The following ZFYVE26 variants were observed in gnomAD, a reference collection of about 807,000 sequenced individuals.
ZFYVE26 encodes the protein zinc finger FYVE-type containing 26, also known as zinc finger FYVE domain-containing protein 26.
Under a neutral mutation model 276.5 loss-of-function variants are expected in ZFYVE26, and 181 were observed. That is an observed-to-expected ratio of 0.65 (90% CI 0.58 to 0.74). ZFYVE26 has a LOEUF of 0.74. ZFYVE26 is among the 30% of genes least tolerant of loss of function. The pLI is 0.00. For synonymous variants in ZFYVE26, 1,129 were observed against 1,203.1 expected (o/e 0.94, Z 1.27); for missense variants, 2,821 against 3,097.9 (o/e 0.91, Z 2.12).
chr14:67,799,865 C>T (rs1179039767), intron 10 of ZFYVE26, among the ~76,000 whole-genome samples: 1 of 151,960 alleles, frequency 6.6e-6, no homozygotes, highest in Non-Finnish European at 1.5e-5. Context: ...GAGGCAGTGT[C>T]CTTCCTGACA....
rs188446238 is a variant in ZFYVE26, at chr14:67,802,485, C to T, written c.1436-203G>A. The stretch of plus-strand genomic sequence containing the variant: ...ACTTTCAGTTCCCTGCACTTCCTTT[C>T]CCCCACTCACCTCCCTTCTACATAT... On this transcript the variant is annotated intron_variant, in intron 9 of 41. Transcript: ENST00000347230. Among the ~76,000 whole-genome samples the T allele has an allele frequency of 1.2e-3, 176 of 152,268 alleles. 2 individuals carry two copies. The highest frequency in any genetic ancestry group is 3.8e-3 in the African/African-American group (156 of 41,552).
intron 13 of ZFYVE26, among the ~76,000 whole-genome samples, chr14:67,731,885 G>C (rs557073044): frequency 6.6e-6 from 1 of 152,046 alleles, no homozygotes; most frequent in East Asian, 1.9e-4. Flanking sequence ...CCAGCACTTT[G>C]GGAGGCTGAG....
chr14:67,756,206 T>A (rs2038776415), intron 35 of ZFYVE26, 61 bp from the exon 36 acceptor site: 2 of 1,565,710 alleles, frequency 1.3e-6, no homozygotes, highest in Non-Finnish European at 1.8e-6. Flanking sequence ...CTGTCTGGGA[T>A]CCACTCTGAA....
chr14:67,783,430 C>T lies in ZFYVE26; in HGVS notation c.3722G>A (p.Arg1241Gln), dbSNP rs140756827. Residue 1241 changes from arginine (R) to glutamine (Q), a missense_variant, in exon 21 of 42, where the codon CGG (arginine) becomes CAG (glutamine). Arg to Gln is a conservative substitution (Grantham distance 43). Coordinates refer to ENST00000347230, the MANE Select transcript of ZFYVE26 (RefSeq NM_015346.4). Reference sequence around the variant, plus strand: ...GAGGGAGGAGGTCTGCTGGCTTTGCCGGGATGAGCAAAGAGCAAGGGGCTC... The same window carrying T: ...GAGGGAGGAGGTCTGCTGGCTTTGCTGGGATGAGCAAAGAGCAAGGGGCTC... ...CCEPLALCSS[R>Q]QSQQTSSLLT... 3.3e-3 allele frequency: 5,247 copies of T among 1,614,066 alleles called. 18 individuals are homozygous for T. The highest frequency in any genetic ancestry group is 0.025 in the Middle Eastern group (153 of 6,062).
chr14:67,733,633 TCTGG>T, intron 13 of ZFYVE26: 3 of 714,740 alleles, frequency 4.2e-6, no homozygotes, highest in Non-Finnish European at 7.5e-6. Context: ...TTTCTTTGAG[TCTGG>T]CATATATTGT....
chr14:67,798,902 C>G, intron 10 of ZFYVE26: 1 of 947,368 alleles, frequency 1.1e-6, no homozygotes. Context: ...GGCCCCGCCC[C>G]CGGGGAGGGC....
rs763540632 is a variant in ZFYVE26 at position 67,769,721 on chromosome 14, G to A, written c.5494C>T (p.Arg1832Cys). Residue 1832 changes from arginine to cysteine, a missense_variant, in exon 29 of 42, where the codon CGT becomes TGT. By Grantham distance (180) the Arg-to-Cys change is radical. Coordinates refer to ENST00000347230, the MANE Select transcript of ZFYVE26 (RefSeq NM_015346.4). ...CGGCCACAGCGGCGACAATGATGAC[G>A]CCTGTTAAACTGAGGAATGCCATCA... ...CREHFTMFNR[R>C]HHCRRCGRLV... The A allele has an allele frequency of 2.5e-5, 41 of 1,613,942 alleles. No homozygotes were observed. Among genetic ancestry groups the A allele is most frequent in the East Asian group, 4.5e-5 (2 of 44,890 alleles).
chr14:67,729,057 A>C, intron 14 of ZFYVE26: 2 of 886,332 alleles, frequency 2.3e-6, no homozygotes, highest in Non-Finnish European at 3.8e-6. Flanking sequence ...CCTGGCCAGG[A>C]GTGGTACCTG....
Position 67,781,453 on chromosome 14 carries a change from G to C in ZFYVE26, c.4449C>G (p.Asp1483Glu). 1 of 1,614,194 alleles carries C rather than the reference G, an allele frequency of 6.2e-7. No homozygotes were observed. The highest frequency in any genetic ancestry group is 8.5e-7 in the Non-Finnish European group (1 of 1,180,034). ...LRSRLALQFVDRWPLESCLEI... is the reference protein window; with the variant it reads ...LRSRLALQFVERWPLESCLEI... ...CCAGGCATGACTCCAGGGGCCACCT[G>C]TCCACAAACTGTAGGGCCAGCCGAC... Residue 1483 changes from aspartate to glutamate, a missense_variant, in exon 22 of 42, where the codon GAC becomes GAG. Coordinates refer to ENST00000347230, the MANE Select transcript of ZFYVE26 (RefSeq NM_015346.4).
In ZFYVE26 at chr14:67,777,633, G is replaced by A. The variant is rs1204492607; in HGVS notation, c.4900C>T (p.Leu1634Phe). ...AGTTGTCCATAGAAGTGGGTGGTGA[G>A]GTAGTTGGCCAAGAAGTGAGAAGTG... ...LATSHFLANY[L>F]TTHFYGQLTA... The change falls in exon 25 of 42, where the codon CTC (leucine) becomes TTC (phenylalanine). Residue 1634 changes from leucine (L) to phenylalanine (F), a missense_variant. Transcript: ENST00000347230. The A allele has an allele frequency of 1.9e-6, 3 of 1,614,022 alleles. No individual in the cohort carries two copies. In the African/African-American group the frequency reaches 4.0e-5, roughly 22 times the overall value.
chr14:67,807,935 A>C lies in ZFYVE26; in HGVS notation c.364-15T>G. 1.9e-6 allele frequency: 3 copies of C among 1,614,130 alleles called. No homozygotes were observed. The highest frequency in any genetic ancestry group is 2.5e-6 in the Non-Finnish European group (3 of 1,180,002). ...TCATACAGCTCCTAAATAGAGGATG[A>C]AGAAAAGGATGGGTGGTGGGCATGC... is the stretch of plus-strand genomic sequence containing the variant. On this transcript the variant is annotated splice_polypyrimidine_tract_variant and intron_variant, in intron 4 of 41. Transcript: ENST00000347230.
At chr14:67,729,844 T>G (rs775623556) in intron 13 of ZFYVE26, 1 of 462,526 alleles carries the variant, frequency 2.2e-6, no homozygotes, top group Middle Eastern at 3.3e-4. Flanking sequence ...AAGTAGAAAT[T>G]TTAGTGCTGA....
At chr14:67,736,358 C>T (rs960096385) in intron 13 of ZFYVE26, among the ~76,000 whole-genome samples, 10 of 152,148 alleles carry the variant, frequency 6.6e-5, no homozygotes, top group Non-Finnish European at 1.2e-4. Flanking sequence ...TTTGATATCG[C>T]TATCATATTT....
chr14:67,781,637 G>T (rs2039503550), intron 21 of ZFYVE26, 108 bp from the exon 22 acceptor site: 5 of 1,006,842 alleles, frequency 5.0e-6, no homozygotes, highest in Non-Finnish European at 6.1e-6. Context: ...TAAAAGAGGA[G>T]CTTGGAGGAT....
intron 3 of ZFYVE26, among the ~76,000 whole-genome samples, chr14:67,811,019 A>C (rs1289488302): frequency 6.6e-6 from 1 of 152,152 alleles, no homozygotes; most frequent in Admixed American, 6.5e-5. Flanking sequence ...CCAAAATCTT[A>C]TTTCTTCTAA....
In ZFYVE26 at chr14:67,789,415, G is replaced by C. The variant is rs1194352785; in HGVS notation, c.2939C>G (p.Ser980Cys). ...GCAGGTTTTCCAGAGCTGGCACTGA[G>C]AGCAAGCTAGGTCAAATGCAGCCAT... ...PAMAAFDLAC[S>C]QCQLWKTCKQ... The change falls in exon 16 of 42, where the codon TCT (serine) becomes TGT (cysteine). Residue 980 changes from serine (S) to cysteine (C), a missense_variant. Ser to Cys is a moderately radical substitution (Grantham distance 112, BLOSUM62 -1). Transcript: ENST00000347230. 8 of 1,614,202 alleles carry C rather than the reference G, an allele frequency of 5.0e-6. No homozygotes were observed. The highest frequency in any genetic ancestry group is 3.4e-6 in the Non-Finnish European group (4 of 1,180,024).
rs776664801 is a variant in ZFYVE26 at position 67,807,645 on chromosome 14, C to T, written c.639G>A (p.Gly213=). The T allele has an allele frequency of 3.7e-5, 59 of 1,614,080 alleles. No homozygotes were observed. In the Admixed American group the frequency reaches 9.5e-4, roughly 26 times the overall value. The change falls in exon 5 of 42, where the codon GGG becomes GGA. Residue 213 remains glycine, a synonymous_variant. Coordinates refer to ENST00000347230, the MANE Select transcript of ZFYVE26 (RefSeq NM_015346.4). The part of the protein sequence containing the change: ...ALQGPDSVPP[G]VVDAIYGALR... The stretch of plus-strand genomic sequence containing the variant: ...GGGCTCCATAGATGGCATCGACTAC[C>T]CCAGGGGGCACCGAATCAGGGCCCT...
chr14:67,783,365 G>T lies in ZFYVE26; in HGVS notation c.3787C>A (p.His1263Asn). 6.2e-7 allele frequency: 1 copy of T among 1,613,674 alleles called. No homozygotes were observed. The highest frequency in any genetic ancestry group is 8.5e-7 in the Non-Finnish European group (1 of 1,179,604). Residue 1263 changes from histidine (H) to asparagine (N), a missense_variant, in exon 21 of 42, where the codon CAC (histidine) becomes AAC (asparagine). His to Asn is a moderately conservative substitution (Grantham distance 68). Coordinates refer to ENST00000347230, the MANE Select transcript of ZFYVE26 (RefSeq NM_015346.4). ...LGTLAQLHAS[H>N]CLDDLPLSTP... ...GAAAGTGGGAGGTCATCCAGGCAGT[G>T]AGAGGCGTGTAGCTGGGCCAGAGTA... is the stretch of plus-strand genomic sequence containing the variant.
In ZFYVE26 at chr14:67,766,193, C is replaced by T. The variant is rs749702146; in HGVS notation, c.6011+34G>A. 16 of 1,604,834 alleles carry T rather than the reference C, an allele frequency of 1.0e-5. No individual in the cohort carries two copies. In the Admixed American group the frequency reaches 2.7e-4, roughly 27 times the overall value. On this transcript the variant is annotated intron_variant, in intron 32 of 41. Transcript: ENST00000347230. ...AAAAGAAGCTGGCTAGAAACTGCTCCTGTGTAAAAGAATAGAGACCCACTG... is the reference window on the plus strand; with the variant it reads ...AAAAGAAGCTGGCTAGAAACTGCTCTTGTGTAAAAGAATAGAGACCCACTG...
Sources: gnomAD v4.1 joint callset for allele counts (sites outside exome capture counted in the v4.1 genomes callset) on GRCh38, gnomAD v4.1.1 for gene constraint, MANE v1.5 for transcripts, NCBI Gene and HGNC (gene_info 2026-07-23, HGNC 2026-07-21) for gene names.